Variants in RBFOX1 observed in about 807,000 individuals in gnomAD.
RBFOX1 encodes RNA binding fox-1 homolog 1, also known as RNA binding protein fox-1 homolog 1.
Under a neutral mutation model 57.7 loss-of-function variants are expected in RBFOX1, and 8 were observed. That is an observed-to-expected ratio of 0.14 (90% CI 0.08 to 0.25). The LOEUF (loss-of-function observed/expected upper bound fraction) is 0.25, where lower values mean the gene tolerates loss of function less well. RBFOX1 is among the 10% of genes least tolerant of loss of function. The pLI, the probability that RBFOX1 is intolerant of heterozygous loss-of-function variation, is 1.00. For synonymous variants in RBFOX1, 326 were observed against 222.4 expected, an observed-to-expected ratio of 1.47 and a Z score of -4.15; for missense variants, 611 against 548.5, an observed-to-expected ratio of 1.11 and a Z score of -1.14.
At chr16:5,883,972 T>G (rs2057831950) in intron 4 of RBFOX1, among the ~76,000 whole-genome samples, 1 of 152,354 alleles carries the variant, frequency 6.6e-6, no homozygotes, top group East Asian at 1.9e-4. Flanking sequence ...GGTAAGCACC[T>G]GAATGCTGAG....
chr16:6,445,668 C>T (rs999404982), intron 2 of RBFOX1, among the ~76,000 whole-genome samples: 4 of 151,778 alleles, frequency 2.6e-5, no homozygotes, highest in African/African-American at 7.3e-5. Context: ...CAGCAACCTC[C>T]ACCCCCTGGG....
intron 7 of RBFOX1, among the ~76,000 whole-genome samples, chr16:7,588,042 G>C (rs533473596): frequency 6.6e-6 from 1 of 152,292 alleles, no homozygotes; most frequent in African/African-American, 2.4e-5. Flanking sequence ...AGCTGGGTGT[G>C]GTGGCATGTG....
chr16:6,139,223 A>C (rs9941066), intron 1 of RBFOX1, among the ~76,000 whole-genome samples: 4,673 of 152,158 alleles, frequency 0.031, 250 homozygotes, highest in African/African-American at 0.11. Flanking sequence ...CTGCCCACTG[A>C]AATCAGTAGT....
intron 3 of RBFOX1, among the ~76,000 whole-genome samples, chr16:6,746,536 G>C (rs2073697654): frequency 6.6e-6 from 1 of 151,960 alleles, no homozygotes; most frequent in Non-Finnish European, 1.5e-5. Context: ...AAATTGCCGG[G>C]CATGATGGCA....
chr16:5,322,538 A>C (rs1447560174), intron 1 of RBFOX1, among the ~76,000 whole-genome samples: 2 of 152,146 alleles, frequency 1.3e-5, no homozygotes, highest in African/African-American at 4.8e-5. Flanking sequence ...TCCTCCGGCA[A>C]GACTAGGTCT....
At position 6,865,744 on chromosome 16, in the gene RBFOX1, A is replaced by G. The variant is rs543176641; in HGVS notation, c.-15-186313A>G. 2.0e-4 allele frequency among the ~76,000 whole-genome samples: 31 copies of G among 152,246 alleles called. No homozygotes were observed. In the South Asian group the frequency reaches 6.2e-3, roughly 31 times the overall value. On this transcript the variant is annotated intron_variant, in intron 3 of 15. Coordinates refer to ENST00000550418, the MANE Select transcript of RBFOX1 (RefSeq NM_018723.4). ...CATTTGCTATTTTATCACCTTTCACAAATAGGTTTATTTGTTGTTATTTTT... is the reference window on the plus strand; with the variant it reads ...CATTTGCTATTTTATCACCTTTCACGAATAGGTTTATTTGTTGTTATTTTT...
chr16:6,968,737 C>G lies in RBFOX1; in HGVS notation c.-15-83320C>G, dbSNP rs558644028. Reference sequence around the variant, plus strand: ...TCTCATGGCAGCTGGCCTCATCTCCCTCCTCTCCCTCCTCTTTGCCTAGTA... The same window carrying G: ...TCTCATGGCAGCTGGCCTCATCTCCGTCCTCTCCCTCCTCTTTGCCTAGTA... On this transcript the variant is annotated intron_variant, in intron 3 of 15. Transcript: ENST00000550418. 1.9e-4 allele frequency among the ~76,000 whole-genome samples: 29 copies of G among 152,260 alleles called. 1 individual carries two copies. In the South Asian group the frequency reaches 5.8e-3, roughly 30 times the overall value.
intron 1 of RBFOX1, among the ~76,000 whole-genome samples, chr16:5,303,262 T>C (rs1449838566): frequency 2.0e-5 from 3 of 152,228 alleles, no homozygotes; most frequent in African/African-American, 7.2e-5. Flanking sequence ...ACAGGGCACA[T>C]TGGATATTAT....
chr16:5,964,171 GA>G (rs1285277123), intron 4 of RBFOX1, among the ~76,000 whole-genome samples: 1 of 152,150 alleles, frequency 6.6e-6, no homozygotes, highest in Non-Finnish European at 1.5e-5. Context: ...CATGATCAGG[GA>G]GGTTAAAATC....
intron 1 of RBFOX1, among the ~76,000 whole-genome samples, chr16:5,264,855 G>T (rs2062820036): frequency 6.6e-6 from 1 of 152,150 alleles, no homozygotes; most frequent in Non-Finnish European, 1.5e-5. Flanking sequence ...CTTAGGGCAA[G>T]TTTGATGGGA....
At position 6,468,423 on chromosome 16, in the gene RBFOX1, G is replaced by A. The variant is rs139966385; in HGVS notation, c.-64+151366G>A. On this transcript the variant is annotated intron_variant, in intron 2 of 15. Coordinates refer to ENST00000550418, the MANE Select transcript of RBFOX1 (RefSeq NM_018723.4). Reference sequence around the variant, plus strand: ...ATAAGCCCCGCAACGATGTTGTAAAGAATACAATTATAGCTTAGGACATTG... The same window carrying A: ...ATAAGCCCCGCAACGATGTTGTAAAAAATACAATTATAGCTTAGGACATTG... Among the ~76,000 whole-genome samples, 394 of 152,230 alleles carry A rather than the reference G, an allele frequency of 2.6e-3. 5 individuals are homozygous for A. Among genetic ancestry groups the A allele is most frequent in the African/African-American group, 9.0e-3 (373 of 41,546 alleles).
At chr16:6,779,019 C>T (rs777205951) in intron 3 of RBFOX1, among the ~76,000 whole-genome samples, 5 of 151,730 alleles carry the variant, frequency 3.3e-5, no homozygotes, top group Non-Finnish European at 5.9e-5. Flanking sequence ...GCAAACATTC[C>T]AAAACTACTA....
chr16:6,956,348 T>C (rs2081839547), intron 3 of RBFOX1, among the ~76,000 whole-genome samples: 1 of 152,136 alleles, frequency 6.6e-6, no homozygotes, highest in Non-Finnish European at 1.5e-5. Context: ...CCCAAAGTAT[T>C]TTGCTGCTGG....
intron 3 of RBFOX1, among the ~76,000 whole-genome samples, chr16:6,789,270 C>T (rs972005533): frequency 6.6e-6 from 1 of 152,146 alleles, no homozygotes; most frequent in African/African-American, 2.4e-5. Context: ...CCATGGTTCA[C>T]CAGAACTTAA....
chr16:7,156,549 A>C (rs2077186604), intron 4 of RBFOX1, among the ~76,000 whole-genome samples: 1 of 152,144 alleles, frequency 6.6e-6, no homozygotes, highest in Admixed American at 6.5e-5. Flanking sequence ...ATGCATGTAG[A>C]TATACATATG....
intron 1 of RBFOX1, among the ~76,000 whole-genome samples, chr16:6,180,464 G>A (rs2097054153): frequency 1.3e-5 from 2 of 148,418 alleles, no homozygotes; most frequent in Admixed American, 1.3e-4. Flanking sequence ...AAAATTGGTA[G>A]TAATGTCCCC....
At chr16:7,395,699 G>T (rs755336506) in intron 4 of RBFOX1, among the ~76,000 whole-genome samples, 2 of 152,170 alleles carry the variant, frequency 1.3e-5, no homozygotes, top group African/African-American at 2.4e-5. Context: ...CTATAGACTT[G>T]CAAATGCTCT....
At chr16:6,780,554 T>TTATATATTTATATATATTTATA (rs773092262) in intron 3 of RBFOX1, among the ~76,000 whole-genome samples, 3 of 125,798 alleles carry the variant, frequency 2.4e-5, no homozygotes, top group Non-Finnish European at 4.7e-5. Context: ...ACATATATAT[T>TTATATATTTATATATATTTATA]TACATATTTA....
intron 4 of RBFOX1, among the ~76,000 whole-genome samples, chr16:7,232,097 C>G (rs568103356): frequency 6.6e-6 from 1 of 152,136 alleles, no homozygotes; most frequent in Admixed American, 6.5e-5. Context: ...ACAATCGGCT[C>G]ACTGCAAATT....
Sources: gnomAD v4.1 joint callset for allele counts (sites outside exome capture counted in the v4.1 genomes callset) on GRCh38, gnomAD v4.1.1 for gene constraint, MANE v1.5 for transcripts, NCBI Gene and HGNC (gene_info 2026-07-23, HGNC 2026-07-21) for gene names.